The following RALGAPA1 variants were observed in gnomAD, a reference collection of about 807,000 sequenced individuals.
RALGAPA1 encodes the protein Ral GTPase activating protein catalytic subunit alpha 1.
A neutral mutation model predicts 269.6 loss-of-function variants in RALGAPA1; 52 were observed. The ratio of observed to expected loss-of-function variants is 0.19; its 90% CI spans 0.15 to 0.24. The LOEUF (loss-of-function observed/expected upper bound fraction) is 0.24. Ranked by LOEUF, RALGAPA1 falls within the 10% of genes least tolerant of loss-of-function variation. The pLI is 1.00. For missense variants in RALGAPA1, 1,917 were observed against 3,013.9 expected, an observed-to-expected ratio of 0.64 and a Z score of 8.52; for synonymous variants, 817 against 1,008.3, an observed-to-expected ratio of 0.81 and a Z score of 3.60.
At chr14:35,571,552 G>A (rs974792884) in intron 38 of RALGAPA1, among the ~76,000 whole-genome samples, 12 of 152,048 alleles carry the variant, frequency 7.9e-5, no homozygotes, top group African/African-American at 2.9e-4. Flanking sequence ...GCAGGCACCT[G>A]TAGTACCAGC....
intron 39 of RALGAPA1, among the ~76,000 whole-genome samples, chr14:35,569,653 T>TCC (rs1043818728): frequency 1.8e-4 from 28 of 152,144 alleles, no homozygotes; most frequent in African/African-American, 6.5e-4. Flanking sequence ...ATTATGTTGT[T>TCC]CCCTCTGCTT....
chr14:35,629,424 T>G (rs1441177181), intron 33 of RALGAPA1, among the ~76,000 whole-genome samples: 1 of 152,200 alleles, frequency 6.6e-6, no homozygotes, highest in African/African-American at 2.4e-5. Flanking sequence ...TTATATTCTC[T>G]GACAGTTAAT....
chr14:35,725,011 T>C lies in RALGAPA1; in HGVS notation c.1866+13A>G. ...TCTATCCAGCTATTCATCTATTTATTTATTTTTATTGCCTGGAAAAGTGGT... is the reference window on the plus strand; with the variant it reads ...TCTATCCAGCTATTCATCTATTTATCTATTTTTATTGCCTGGAAAAGTGGT... On this transcript the variant is annotated intron_variant, in intron 14 of 41. Transcript: ENST00000680220. The C allele has an allele frequency of 6.3e-7, 1 of 1,582,174 alleles. No homozygotes were observed. The highest frequency in any genetic ancestry group is 2.3e-5 in the East Asian group (1 of 44,150).
chr14:35,593,899 A>G (rs2058778203), intron 37 of RALGAPA1, among the ~76,000 whole-genome samples: 2 of 151,862 alleles, frequency 1.3e-5, no homozygotes, highest in African/African-American at 2.4e-5. Flanking sequence ...TTACAAAGCT[A>G]CAGTCATCAG....
chr14:35,585,002 C>T (rs752917511), intron 37 of RALGAPA1, among the ~76,000 whole-genome samples: 2 of 152,116 alleles, frequency 1.3e-5, no homozygotes, highest in African/African-American at 2.4e-5. Flanking sequence ...CATGCTAACA[C>T]TAATCAAAAG....
Position 35,700,203 on chromosome 14 carries a change from A to G in RALGAPA1, c.2366T>C (p.Leu789Ser), listed in dbSNP as rs1333650972. 2.0e-5 allele frequency: 30 copies of G among 1,535,760 alleles called. No individual in the cohort carries two copies. Among genetic ancestry groups the G allele is most frequent in the Non-Finnish European group, 2.6e-5 (30 of 1,146,798 alleles). ...PVLIHTSKPF[L>S]PDIVLTPLSD... ...AAGGGGAGTGAGAACAATATCAGGCAAGAAGGGTTTGGAAGTATGGATCAG... is the reference window on the plus strand; with the variant it reads ...AAGGGGAGTGAGAACAATATCAGGCGAGAAGGGTTTGGAAGTATGGATCAG... The change falls in exon 17 of 42, where the codon TTG becomes TCG. Residue 789 changes from leucine (L) to serine (S), a missense_variant. This residue lies in a region of RALGAPA1 where 125 missense variants were observed against 155.7 expected (regional missense o/e 0.80). Coordinates refer to ENST00000680220, the MANE Select transcript of RALGAPA1 (RefSeq NM_001346249.2).
chr14:35,779,819 G>A (rs955312606), intron 1 of RALGAPA1, among the ~76,000 whole-genome samples: 19 of 152,148 alleles, frequency 1.2e-4, no homozygotes, highest in Middle Eastern at 6.8e-3. Context: ...ACTTTCTAAC[G>A]CTAATAAAAA....
At chr14:35,713,126 G>A (rs1263764190) in intron 16 of RALGAPA1, among the ~76,000 whole-genome samples, 1 of 152,188 alleles carries the variant, frequency 6.6e-6, no homozygotes, top group Non-Finnish European at 1.5e-5. Context: ...ACTATGACAA[G>A]AAGGTAGAAA....
intron 26 of RALGAPA1, among the ~76,000 whole-genome samples, chr14:35,668,494 A>T (rs2064139754): frequency 6.6e-6 from 1 of 152,104 alleles, no homozygotes; most frequent in Admixed American, 6.5e-5. Context: ...AAAAAAAAAA[A>T]AATGTACATT....
Position 35,613,540 on chromosome 14 carries a change from C to A in RALGAPA1, c.6930-7831G>T, listed in dbSNP as rs79515746. ...AAATCAAGGCATAGACAGGGCCATGCACCTTCCAAAGGTTCTAGGGGAGCA... is the reference window on the plus strand; with the variant it reads ...AAATCAAGGCATAGACAGGGCCATGAACCTTCCAAAGGTTCTAGGGGAGCA... On this transcript the variant is annotated intron_variant, in intron 35 of 41. Coordinates refer to ENST00000680220, the MANE Select transcript of RALGAPA1 (RefSeq NM_001346249.2). 4.5e-3 allele frequency among the ~76,000 whole-genome samples: 691 copies of A among 152,334 alleles called. 2 individuals carry two copies. The highest frequency in any genetic ancestry group is 7.7e-3 in the Admixed American group (118 of 15,300).
intron 35 of RALGAPA1, among the ~76,000 whole-genome samples, chr14:35,613,342 A>G (rs139248939): frequency 1.3e-4 from 20 of 152,320 alleles, no homozygotes; most frequent in African/African-American, 4.1e-4. Flanking sequence ...TTGGCCTCCC[A>G]AAGTGCTGGG....
intron 12 of RALGAPA1, among the ~76,000 whole-genome samples, chr14:35,736,717 C>T (rs1175405312): frequency 6.6e-6 from 1 of 152,060 alleles, no homozygotes; most frequent in East Asian, 1.9e-4. Flanking sequence ...CACATGTGGC[C>T]TTGACAAGGA....
rs1594990955 is a variant in RALGAPA1, at chr14:35,654,232, C to T, written c.5607+135G>A. 12 of 900,026 alleles carry T rather than the reference C, an allele frequency of 1.3e-5. No individual in the cohort carries two copies. The East Asian group carries it at 3.7e-4, about 28-fold the overall frequency. The allele number at this position is 900,026 out of a possible 1,614,324, so 55.8% of individuals were successfully genotyped here. ...GGAACTATCATGAACTTTGATACCA[C>T]AAAAAAGCATGATGGGTAGCCATTA... On this transcript the variant is annotated intron_variant, in intron 30 of 41. Transcript: ENST00000680220.
At chr14:35,776,170 C>T (rs1350505011) in intron 1 of RALGAPA1, among the ~76,000 whole-genome samples, 2 of 152,088 alleles carry the variant, frequency 1.3e-5, no homozygotes, top group Non-Finnish European at 2.9e-5. Context: ...TACCTGAGGT[C>T]AGGAGTTCGA....
intron 6 of RALGAPA1, among the ~76,000 whole-genome samples, chr14:35,758,642 G>A (rs1251706612): frequency 6.6e-6 from 1 of 152,144 alleles, no homozygotes; most frequent in East Asian, 1.9e-4. Flanking sequence ...GGAAGGCTGA[G>A]GCTGGAGGAT....
intron 27 of RALGAPA1, among the ~76,000 whole-genome samples, chr14:35,662,882 G>A (rs1315104877): frequency 7.1e-6 from 1 of 139,916 alleles, no homozygotes; most frequent in Non-Finnish European, 1.5e-5. Context: ...CTGGAAATTT[G>A]CATTGATTTT....
intron 16 of RALGAPA1, chr14:35,707,271 T>A (rs1212646638): frequency 1.3e-5 from 2 of 152,212 alleles, no homozygotes; most frequent in Non-Finnish European, 2.9e-5. Flanking sequence ...AATAATCATG[T>A]CATCTACAAA....
chr14:35,802,795 C>G (rs1279964244), intron 1 of RALGAPA1, among the ~76,000 whole-genome samples: 1 of 151,932 alleles, frequency 6.6e-6, no homozygotes, highest in Non-Finnish European at 1.5e-5. Context: ...GATCCTCTCA[C>G]CTCAGCCTCC....
At chr14:35,593,918 G>A (rs796722613) in intron 37 of RALGAPA1, among the ~76,000 whole-genome samples, 12 of 151,890 alleles carry the variant, frequency 7.9e-5, no homozygotes, top group South Asian at 2.1e-4. Context: ...AGAATGGTAC[G>A]GTACTGGCGT....
Sources: gnomAD v4.1 joint callset for allele counts (sites outside exome capture counted in the v4.1 genomes callset) on GRCh38, gnomAD v4.1.1 for gene constraint, gnomAD v4.1.1 regional missense constraint, MANE v1.5 for transcripts, NCBI Gene and HGNC (gene_info 2026-07-23, HGNC 2026-07-21) for gene names.